The following SREBF2 variants were observed in gnomAD, a reference collection of about 807,000 sequenced individuals.
SREBF2 encodes the protein sterol regulatory element-binding protein 2.
SREBF2 carries 55 observed loss-of-function variants against 113.1 expected under a neutral mutation model. The observed-to-expected ratio is 0.49, with a 90% CI of 0.39 to 0.61. The LOEUF (loss-of-function observed/expected upper bound fraction) is 0.61. Ranked by LOEUF, SREBF2 falls within the 20% of genes least tolerant of loss-of-function variation. The pLI is 0.00. For missense variants in SREBF2, 1,349 were observed against 1,487.4 expected (o/e 0.91, Z 1.53); for synonymous variants, 593 against 605.7 (o/e 0.98, Z 0.31).
At chr22:41,858,012 A>G (rs931008933) in intron 1 of SREBF2, among the ~76,000 whole-genome samples, 6 of 152,194 alleles carry the variant, frequency 3.9e-5, no homozygotes, top group African/African-American at 1.2e-4. Context: ...TGGTTATCTC[A>G]TATTGATCTT....
intron 9 of SREBF2, among the ~76,000 whole-genome samples, 169 bp downstream of exon 9, chr22:41,878,292 T>C (rs1351137130): frequency 6.6e-6 from 1 of 152,188 alleles, no homozygotes; most frequent in Non-Finnish European, 1.5e-5. Context: ...AGATAATTAA[T>C]TCCAGGGACA....
At chr22:41,904,101 C>T (rs1341840890) in intron 17 of SREBF2, among the ~76,000 whole-genome samples, 2 of 152,174 alleles carry the variant, frequency 1.3e-5, no homozygotes, top group African/African-American at 4.8e-5. Flanking sequence ...TGGTCTCAAA[C>T]CCCTAGCCTC....
At chr22:41,894,777 TAAA>T in intron 12 of SREBF2, 40 bp from the exon 13 acceptor site, 1 of 1,562,290 alleles carries the variant, frequency 6.4e-7, no homozygotes, top group Non-Finnish European at 8.8e-7. Flanking sequence ...AGTGGGCTCA[TAAA>T]TGAGCTCCAT....
rs2077121939 is a variant in SREBF2, at chr22:41,869,724, G to T, written c.720+932G>T. Among the ~76,000 whole-genome samples, 3 of 151,648 alleles carry T rather than the reference G, an allele frequency of 2.0e-5. No individual in the cohort carries two copies. In the South Asian group the frequency reaches 6.3e-4, roughly 32 times the overall value. On this transcript the variant is annotated intron_variant, in intron 3 of 18. Transcript: ENST00000361204. ...GGTTTTGAACTCCTGGCCTCAAACA[G>T]TGCATCGATCTCGGCCTCCCAAAGT...
chr22:41,892,861 G>A (rs1221958361), intron 11 of SREBF2, among the ~76,000 whole-genome samples: 1 of 152,156 alleles, frequency 6.6e-6, no homozygotes, highest in Non-Finnish European at 1.5e-5. Flanking sequence ...GGCCCCACGC[G>A]TGCCTTGTGG....
intron 13 of SREBF2, 134 bp downstream of exon 13, chr22:41,895,071 G>A: frequency 4.3e-6 from 3 of 695,854 alleles, no homozygotes; most frequent in Non-Finnish European, 7.7e-6. Flanking sequence ...TGGTTCCTTT[G>A]TATTTAATTT....
intron 8 of SREBF2, 104 bp downstream of exon 8, chr22:41,877,525 C>A: frequency 2.2e-6 from 3 of 1,340,960 alleles, no homozygotes; most frequent in Non-Finnish European, 2.1e-6. Flanking sequence ...TCCCAAAGGG[C>A]TTTTATAGTG....
rs899443374 is a variant in SREBF2, at chr22:41,866,942, G to A, written c.200G>A (p.Ser67Asn). ...GGTAGTGGTAGCAGCAGCGGCAGCAGTGGCAGCAGCAGCAGCAGCAGCAAT... is the reference window on the plus strand; with the variant it reads ...GGTAGTGGTAGCAGCAGCGGCAGCAATGGCAGCAGCAGCAGCAGCAGCAAT... ...SGGSGSSSGS[S>N]GSSSSSSNGR... The change falls in exon 2 of 19, where the codon AGT becomes AAT. Residue 67 changes from serine (S) to asparagine (N), a missense_variant. Physicochemically the swap from Ser to Asn is conservative, Grantham distance 46. This residue lies in a region of SREBF2 where 699 missense variants were observed against 843.3 expected (regional missense o/e 0.83). Transcript: ENST00000361204. 6.2e-7 allele frequency: 1 copy of A among 1,613,764 alleles called. No individual in the cohort carries two copies. Among genetic ancestry groups the A allele is most frequent in the East Asian group, 2.2e-5 (1 of 44,880 alleles).
At position 41,877,283 on chromosome 22, in the gene SREBF2, C is replaced by T. The variant is rs1412796670; in HGVS notation, c.1441C>T (p.Arg481Trp). The T allele has an allele frequency of 3.1e-6, 5 of 1,614,252 alleles. No homozygotes were observed. Among genetic ancestry groups the T allele is most frequent in the Admixed American group, 1.7e-5 (1 of 60,024 alleles). ...PVALGMVDRSRILLCVLTFLC... is the reference protein window; with the variant it reads ...PVALGMVDRSWILLCVLTFLC... ...GGCGCTGGGCATGGTAGACCGCTCA[C>T]GGATTCTTCTGTGTGTCCTCACCTT... Residue 481 changes from arginine (R) to tryptophan (W), a missense_variant, in exon 8 of 19, where the codon CGG becomes TGG. By Grantham distance (101) the Arg-to-Trp change is moderately radical. Transcript: ENST00000361204.
rs555734306 is a variant in SREBF2 at position 41,884,907 on chromosome 22, G to A, written c.2104G>A (p.Glu702Lys). The A allele has an allele frequency of 6.2e-7, 1 of 1,614,094 alleles. No homozygotes were observed. Among genetic ancestry groups the A allele is most frequent in the Non-Finnish European group, 8.5e-7 (1 of 1,180,042 alleles). Residue 702 changes from glutamate to lysine, a missense_variant, in exon 11 of 19, where the codon GAA becomes AAA. Transcript: ENST00000361204. Reference protein sequence around the residue: ...HMALCAVNLAECAEEKIPPST... With the variant: ...HMALCAVNLAKCAEEKIPPST... Reference sequence around the variant, plus strand: ...GGCGTTGTGTGCCGTGAACCTGGCTGAATGTGCAGAGGAGAAGATCCCACC... The same window carrying A: ...GGCGTTGTGTGCCGTGAACCTGGCTAAATGTGCAGAGGAGAAGATCCCACC...
chr22:41,864,261 T>TATATATACACACACAC (rs1204150898), intron 1 of SREBF2, among the ~76,000 whole-genome samples: 6 of 51,006 alleles, frequency 1.2e-4, no homozygotes, highest in South Asian at 8.3e-4. Flanking sequence ...TATATATATA[T>TATATATACACACACAC]ACACACACAC....
intron 13 of SREBF2, among the ~76,000 whole-genome samples, chr22:41,895,484 G>A (rs1034728824): frequency 3.0e-5 from 4 of 133,268 alleles, no homozygotes; most frequent in African/African-American, 1.2e-4. Context: ...TGCCCAGGCT[G>A]GAGTGCAATG....
rs777697017 is a variant in SREBF2, at chr22:41,878,118, G to A, written c.1756G>A (p.Ala586Thr). Residue 586 changes from alanine to threonine, a missense_variant, in exon 9 of 19, where the codon GCC becomes ACC. This residue lies in a region of SREBF2 where 699 missense variants were observed against 843.3 expected (regional missense o/e 0.83). Coordinates refer to ENST00000361204, the MANE Select transcript of SREBF2 (RefSeq NM_004599.4). Reference protein sequence around the residue: ...RHRKQADLDLARGDFAAAAGN... With the variant: ...RHRKQADLDLTRGDFAAAAGN... ...CCGGAAACAGGCAGATCTGGATCTC[G>A]CCAGAGTGAGTTCTGTGTCCGCCCT... 9 of 1,613,812 alleles carry A rather than the reference G, an allele frequency of 5.6e-6. No individual in the cohort carries two copies. The highest frequency in any genetic ancestry group is 7.6e-6 in the Non-Finnish European group (9 of 1,180,032).
In SREBF2 at chr22:41,894,853, G is replaced by A. The variant is rs200341971; in HGVS notation, c.2411G>A (p.Cys804Tyr). ...DPIAQVHQAF[C>Y]KNLLERAIES... The stretch of plus-strand genomic sequence containing the variant: ...ATTGCGCAGGTCCACCAGGCCTTCT[G>A]CAAGAACCTGCTGGAGCGAGCTATA... Residue 804 changes from cysteine (C) to tyrosine (Y), a missense_variant, in exon 13 of 19, where the codon TGC becomes TAC. Cys to Tyr is a radical substitution (Grantham distance 194, BLOSUM62 -2). Transcript: ENST00000361204. 4.9e-5 allele frequency: 79 copies of A among 1,614,138 alleles called. No individual in the cohort carries two copies. The Admixed American group carries it at 1.1e-3, about 23-fold the overall frequency.
chr22:41,898,409 C>T (rs977418589), intron 14 of SREBF2, among the ~76,000 whole-genome samples: 4 of 152,302 alleles, frequency 2.6e-5, no homozygotes, highest in Admixed American at 1.3e-4. Context: ...TGAGCCACCG[C>T]GGCCAACCAG....
At chr22:41,857,794 G>A (rs1284574886) in intron 1 of SREBF2, among the ~76,000 whole-genome samples, 6 of 152,160 alleles carry the variant, frequency 3.9e-5, no homozygotes, top group African/African-American at 1.4e-4. Context: ...TGGTGTTTGA[G>A]TGGAGTGATT....
At chr22:41,875,064 T>A (rs533797797) in intron 5 of SREBF2, among the ~76,000 whole-genome samples, 1 of 152,378 alleles carries the variant, frequency 6.6e-6, no homozygotes, top group South Asian at 2.1e-4. Context: ...GGCTCAGGGC[T>A]AAGCCCTTTA....
At chr22:41,869,693 C>T (rs1465625209) in intron 3 of SREBF2, among the ~76,000 whole-genome samples, 1 of 151,212 alleles carries the variant, frequency 6.6e-6, no homozygotes, top group Admixed American at 6.6e-5. Context: ...CCAGGTTGGC[C>T]AGGCTGGTTT....
chr22:41,894,541 C>G (rs571346142), intron 12 of SREBF2, among the ~76,000 whole-genome samples: 80 of 152,270 alleles, frequency 5.3e-4, no homozygotes, highest in African/African-American at 1.9e-3. Flanking sequence ...CAGCTCCCAA[C>G]CTTAGAGTAC....
Sources: gnomAD v4.1 joint callset for allele counts (sites outside exome capture counted in the v4.1 genomes callset) on GRCh38, gnomAD v4.1.1 for gene constraint, gnomAD v4.1.1 regional missense constraint, MANE v1.5 for transcripts, NCBI Gene and HGNC (gene_info 2026-07-23, HGNC 2026-07-21) for gene names.